Variants in PLN observed in about 807,000 individuals in gnomAD.
PLN encodes the protein cardiac phospholamban.
PLN carries 1 observed loss-of-function variant against 3.9 expected under a neutral mutation model. The ratio of observed to expected loss-of-function variants is 0.26; its 90% CI spans 0.09 to 1.23. The LOEUF is 1.23. PLN is among the 50% of genes most tolerant of loss of function. The pLI is 0.48. For synonymous variants in PLN, 21 were observed against 20.5 expected (o/e 1.02, Z -0.07); for missense variants, 59 against 62.7 (o/e 0.94, Z 0.20).
intron 1 of PLN, among the ~76,000 whole-genome samples, chr6:118,557,752 A>C (rs1474333534): frequency 6.6e-6 from 1 of 152,212 alleles, no homozygotes; most frequent in Non-Finnish European, 1.5e-5. Context: ...AAATTGGTAA[A>C]GTCTACGGTG....
chr6:118,559,143 C>T lies in PLN; in HGVS notation c.*63C>T. On this transcript the variant is annotated 3_prime_UTR_variant, in exon 2 of 2. Coordinates refer to ENST00000357525, the MANE Select transcript of PLN (RefSeq NM_002667.5). ...TCAGCTTAAAATCTGTCATCCCATGCAGACAGGAAAACAATATTGTATAAC... is the reference window on the plus strand; with the variant it reads ...TCAGCTTAAAATCTGTCATCCCATGTAGACAGGAAAACAATATTGTATAAC... The T allele has an allele frequency of 1.6e-6, 2 of 1,224,034 alleles. No individual in the cohort carries two copies. Among genetic ancestry groups the T allele is most frequent in the Non-Finnish European group, 2.4e-6 (2 of 823,894 alleles). The allele number at this position is 1,224,034 out of a possible 1,614,324, so 75.8% of individuals were successfully genotyped here.
At chr6:118,549,380 C>G (rs186248883) in intron 1 of PLN, among the ~76,000 whole-genome samples, 1 of 151,724 alleles carries the variant, frequency 6.6e-6, no homozygotes. Flanking sequence ...TGTTACAATC[C>G]TCAATTTAGT....
chr6:118,552,501 A>G (rs894727286), intron 1 of PLN, among the ~76,000 whole-genome samples: 33 of 152,024 alleles, frequency 2.2e-4, no homozygotes, highest in African/African-American at 7.5e-4. Context: ...CACTGCAGAC[A>G]AAGTAAGGAC....
Position 118,559,387 on chromosome 6 carries a change from T to G in PLN, c.*307T>G, listed in dbSNP as rs1779096271. On this transcript the variant is annotated 3_prime_UTR_variant, in exon 2 of 2. Transcript: ENST00000357525. Reference sequence around the variant, plus strand: ...AAATCTTTTCTGAAGATGAAGAGTTTAGTTTTAAAACTGCACTGCCAACAA... The same window carrying G: ...AAATCTTTTCTGAAGATGAAGAGTTGAGTTTTAAAACTGCACTGCCAACAA... 2 of 377,604 alleles carry G rather than the reference T, an allele frequency of 5.3e-6. No homozygotes were observed. The highest frequency in any genetic ancestry group is 4.2e-5 in the African/African-American group (2 of 47,772). 23.4% of individuals were successfully genotyped at this position (377,604 alleles called of 1,614,324 possible).
At chr6:118,553,261 G>C (rs928895518) in intron 1 of PLN, among the ~76,000 whole-genome samples, 15 of 148,162 alleles carry the variant, frequency 1.0e-4, no homozygotes, top group African/African-American at 3.7e-4. Flanking sequence ...TGTCAGTGCA[G>C]AGAAGAGAAT....
Position 118,559,225 on chromosome 6 carries a change from A to G in PLN, c.*145A>G. 2.0e-5 allele frequency: 15 copies of G among 748,002 alleles called. No individual in the cohort carries two copies. Among genetic ancestry groups the G allele is most frequent in the Non-Finnish European group, 3.7e-5 (15 of 405,012 alleles). The allele number at this position is 748,002 out of a possible 1,614,324, so 46.3% of individuals were successfully genotyped here. A position where few individuals can be genotyped will look rare whatever the true frequency, so the allele number is the denominator to read the frequency against. The stretch of plus-strand genomic sequence containing the variant: ...TGAAAAGGTCAAGATTAAGACTAAA[A>G]CTTATTGTTACCATATGTATTCATC... On this transcript the variant is annotated 3_prime_UTR_variant, in exon 2 of 2. Coordinates refer to ENST00000357525, the MANE Select transcript of PLN (RefSeq NM_002667.5).
Position 118,559,934 on chromosome 6 carries a change from C to A in PLN, c.*854C>A, listed in dbSNP as rs934098452. 1.2e-5 allele frequency: 2 copies of A among 167,010 alleles called. No individual in the cohort carries two copies. The highest frequency in any genetic ancestry group is 4.8e-5 in the African/African-American group (2 of 41,434). 10.3% of individuals were successfully genotyped at this position (167,010 alleles called of 1,614,324 possible). On this transcript the variant is annotated 3_prime_UTR_variant, in exon 2 of 2. Transcript: ENST00000357525. ...TAGTGAATTATCTGAGCTAGAGTTACCTAGCTTACCATACTATATCTTTGG... is the reference window on the plus strand; with the variant it reads ...TAGTGAATTATCTGAGCTAGAGTTAACTAGCTTACCATACTATATCTTTGG...
Sources: gnomAD v4.1 joint callset for allele counts (sites outside exome capture counted in the v4.1 genomes callset) on GRCh38, gnomAD v4.1.1 for gene constraint, MANE v1.5 for transcripts, NCBI Gene and HGNC (gene_info 2026-07-23, HGNC 2026-07-21) for gene names.